CROT: variants seen among roughly 807,000 people sequenced by gnomAD.
The protein encoded by CROT is peroxisomal carnitine O-octanoyltransferase.
In CROT, 84 loss-of-function variants were observed where a neutral mutation model predicts 89.2. The ratio of observed to expected loss-of-function variants is 0.94; its 90% CI spans 0.79 to 1.13. The LOEUF (loss-of-function observed/expected upper bound fraction) is 1.13. CROT is among the 50% of genes most tolerant of loss of function. The pLI is 0.00. For missense variants in CROT, 711 were observed against 727.8 expected (o/e 0.98, Z 0.27); for synonymous variants, 212 against 239.5 (o/e 0.89, Z 1.06).
chr7:87,381,916 C>G lies in CROT; in HGVS notation c.985C>G (p.Pro329Ala), dbSNP rs762362000. ...TTGTGTGTTCTCATTTTAGCATGCT[C>G]CTTTTGATGCAATGATTATGGTGAA... Reference protein sequence around the residue: ...GVFGCNCDHAPFDAMIMVNIS... With the variant: ...GVFGCNCDHAAFDAMIMVNIS... Residue 329 changes from proline to alanine, a missense_variant, in exon 11 of 18, where the codon CCT (proline) becomes GCT (alanine). Pro to Ala is a conservative substitution (Grantham distance 27). Coordinates refer to ENST00000331536, the MANE Select transcript of CROT (RefSeq NM_021151.4). The G allele has an allele frequency of 1.2e-6, 2 of 1,604,494 alleles. No individual in the cohort carries two copies. Among genetic ancestry groups the G allele is most frequent in the Non-Finnish European group, 1.7e-6 (2 of 1,175,696 alleles).
chr7:87,377,546 A>T (rs1490517682), intron 10 of CROT, 96 bp downstream of exon 10: 1 of 698,248 alleles, frequency 1.4e-6, no homozygotes, highest in African/African-American at 1.8e-5. Context: ...GTGTAAGTGA[A>T]TAGTAATTTA....
intron 6 of CROT, among the ~76,000 whole-genome samples, chr7:87,367,720 C>G (rs1196747639): frequency 6.6e-6 from 1 of 152,196 alleles, no homozygotes; most frequent in African/African-American, 2.4e-5. Flanking sequence ...ATTATCCTCT[C>G]TCTCTGCTGC....
rs1228286837 is a variant in CROT, at chr7:87,369,390, T to TC, written c.566dup (p.Asn190LysfsTer15). The stretch of plus-strand genomic sequence containing the variant: ...TCTGTTTCCAGAGAGTGAAGGGCGT[T>TC]CCCCAAACCACATTGTAGTGCTGTG... On this transcript the variant is annotated frameshift_variant, in exon 7 of 18. Transcript: ENST00000331536. LOFTEE classifies it high-confidence loss of function. 20 of 1,610,606 alleles carry TC rather than the reference T, an allele frequency of 1.2e-5. No homozygotes were observed. The highest frequency in any genetic ancestry group is 1.7e-5 in the Non-Finnish European group (20 of 1,178,360).
chr7:87,383,944 A>G (rs1207691020), intron 13 of CROT, among the ~76,000 whole-genome samples: 1 of 152,014 alleles, frequency 6.6e-6, no homozygotes, highest in African/African-American at 2.4e-5. Context: ...TAGCAGTGGG[A>G]TCATCAGATT....
intron 6 of CROT, among the ~76,000 whole-genome samples, chr7:87,366,223 T>A (rs1255878519): frequency 6.6e-6 from 1 of 151,598 alleles, no homozygotes; most frequent in African/African-American, 2.4e-5. Context: ...CTACTTCCCC[T>A]GTACCCTCGC....
At chr7:87,390,002 C>A (rs1807310310) in intron 13 of CROT, among the ~76,000 whole-genome samples, 1 of 151,996 alleles carries the variant, frequency 6.6e-6, no homozygotes, top group South Asian at 2.1e-4. Context: ...ATATGGGAAT[C>A]TTTTTCCTAC....
At position 87,345,818 on chromosome 7, in the gene CROT, G is replaced by T. The variant is rs931966261; in HGVS notation, c.-113+51G>T. 1.5e-5 allele frequency: 3 copies of T among 197,156 alleles called. No homozygotes were observed. In the East Asian group the frequency reaches 2.9e-4, roughly 19 times the overall value. 12.2% of individuals were successfully genotyped at this position (197,156 alleles called of 1,614,324 possible). ...TCCCCTAATCCTTCAACTCGGGGGC[G>T]GGGGAAAGTTAAGTCGTGCAGAACC... is the stretch of plus-strand genomic sequence containing the variant. On this transcript the variant is annotated intron_variant, in intron 1 of 17. Coordinates refer to ENST00000331536, the MANE Select transcript of CROT (RefSeq NM_021151.4).
intron 17 of CROT, 22 bp downstream of exon 17, chr7:87,393,089 C>T (rs1807422571): frequency 1.9e-6 from 3 of 1,609,288 alleles, no homozygotes; most frequent in Non-Finnish European, 2.5e-6. Context: ...CTTTTTTATT[C>T]TTTCTGTGCT....
At chr7:87,346,546 G>C (rs556511981) in intron 2 of CROT, 116 bp downstream of exon 2, 1 of 152,102 alleles carries the variant, frequency 6.6e-6, no homozygotes, top group Non-Finnish European at 1.5e-5. Flanking sequence ...CATTTTCTTA[G>C]TGCTATTGGA....
intron 13 of CROT, among the ~76,000 whole-genome samples, chr7:87,388,382 A>G (rs760332733): frequency 6.6e-6 from 1 of 152,224 alleles, no homozygotes; most frequent in Non-Finnish European, 1.5e-5. Flanking sequence ...ACTGTACTAC[A>G]AGGCTACAGT....
chr7:87,348,602 T>C lies in CROT; in HGVS notation c.-21-446T>C, dbSNP rs114252983. On this transcript the variant is annotated intron_variant, in intron 2 of 17. Coordinates refer to ENST00000331536, the MANE Select transcript of CROT (RefSeq NM_021151.4). ...TTACCTTCTATCATGTTGTTTTGTA[T>C]AGGGGAAAGATTGTAGTCTTAACAG... Among the ~76,000 whole-genome samples, 640 of 152,334 alleles carry C rather than the reference T, an allele frequency of 4.2e-3. 8 individuals are homozygous for C. The highest frequency in any genetic ancestry group is 0.014 in the African/African-American group (594 of 41,570).
intron 6 of CROT, 79 bp downstream of exon 6, chr7:87,361,931 C>T: frequency 7.9e-7 from 1 of 1,268,732 alleles, no homozygotes; most frequent in Non-Finnish European, 1.1e-6. Flanking sequence ...GGAACATACA[C>T]TTTTGAAGAA....
At chr7:87,380,060 A>G (rs1313275211) in intron 10 of CROT, among the ~76,000 whole-genome samples, 1 of 152,178 alleles carries the variant, frequency 6.6e-6, no homozygotes, top group African/African-American at 2.4e-5. Context: ...GCAGTGAGCC[A>G]TGGTTGTACC....
At chr7:87,366,623 A>G (rs1806457914) in intron 6 of CROT, among the ~76,000 whole-genome samples, 1 of 152,148 alleles carries the variant, frequency 6.6e-6, no homozygotes, top group Non-Finnish European at 1.5e-5. Flanking sequence ...TTACAGTTTA[A>G]TGATGCTACT....
intron 10 of CROT, 70 bp downstream of exon 10, chr7:87,377,520 C>A: frequency 1.1e-6 from 1 of 908,206 alleles, no homozygotes; most frequent in Non-Finnish European, 1.8e-6. Flanking sequence ...ACCATAAATA[C>A]TTGTGCTGGG....
rs576028938 is a variant in CROT at position 87,361,693 on chromosome 7, T to A, written c.423-35T>A. 6.4e-6 allele frequency: 10 copies of A among 1,550,538 alleles called. No individual in the cohort carries two copies. The African/African-American group carries it at 8.3e-5, about 13-fold the overall frequency. On this transcript the variant is annotated intron_variant, in intron 5 of 17. Coordinates refer to ENST00000331536, the MANE Select transcript of CROT (RefSeq NM_021151.4). Reference sequence around the variant, plus strand: ...AGTTGTGGCTGGTTTTTAAATTTTATAATGACTTTTTGATCAAAATCCTTT... The same window carrying A: ...AGTTGTGGCTGGTTTTTAAATTTTAAAATGACTTTTTGATCAAAATCCTTT...
At position 87,382,424 on chromosome 7, in the gene CROT, A is replaced by C; in HGVS notation, c.1182A>C (p.Leu394=). 6.2e-7 allele frequency: 1 copy of C among 1,613,242 alleles called. No individual in the cohort carries two copies. The highest frequency in any genetic ancestry group is 8.5e-7 in the Non-Finnish European group (1 of 1,179,712). The part of the protein sequence containing the change: ...KAQYLREASD[L]QIAAYAFTSF... ...ATTCTTCTTGTTAGGCATCTGATCT[A>C]CAGATTGCGGCTTATGCCTTTACAT... Residue 394 remains leucine, a synonymous_variant, in exon 13 of 18, where the codon CTA becomes CTC. Coordinates refer to ENST00000331536, the MANE Select transcript of CROT (RefSeq NM_021151.4).
intron 7 of CROT, among the ~76,000 whole-genome samples, chr7:87,372,280 T>C (rs1394490458): frequency 1.3e-5 from 2 of 152,246 alleles, no homozygotes; most frequent in Admixed American, 6.5e-5. Context: ...TTTCTTCCAG[T>C]TAACTTGAAA....
intron 13 of CROT, among the ~76,000 whole-genome samples, chr7:87,385,543 A>G (rs1188447532): frequency 6.6e-6 from 1 of 152,134 alleles, no homozygotes; most frequent in African/African-American, 2.4e-5. Flanking sequence ...TTGATTTTAT[A>G]TCTTGCAACT....
Sources: gnomAD v4.1 joint callset for allele counts (sites outside exome capture counted in the v4.1 genomes callset) on GRCh38, gnomAD v4.1.1 for gene constraint, MANE v1.5 for transcripts, NCBI Gene and HGNC (gene_info 2026-07-23, HGNC 2026-07-21) for gene names.